TENT4B: variants seen among roughly 807,000 people sequenced by gnomAD.
TENT4B encodes PAP associated domain containing 5.
In TENT4B, 10 loss-of-function variants were observed where a neutral mutation model predicts 75.0. The observed-to-expected ratio is 0.13, with a 90% CI of 0.08 to 0.23. The LOEUF is 0.23. TENT4B is among the 10% of genes least tolerant of loss of function. The probability of loss-of-function intolerance (pLI) is 1.00; values close to 1 mark genes in which losing one functional copy is unlikely to be tolerated. For missense variants in TENT4B, 579 were observed against 893.8 expected (o/e 0.65, Z 4.49); for synonymous variants, 350 against 357.7 (o/e 0.98, Z 0.24).
At chr16:50,179,370 A>G (rs571518756) in intron 1 of TENT4B, among the ~76,000 whole-genome samples, 2 of 147,868 alleles carry the variant, frequency 1.4e-5, no homozygotes, top group Admixed American at 1.4e-4. Context: ...TCAAAAGAAA[A>G]TTTTTTTTTT....
chr16:50,212,969 C>G (rs1253213031), intron 2 of TENT4B, among the ~76,000 whole-genome samples: 1 of 152,148 alleles, frequency 6.6e-6, no homozygotes, highest in Non-Finnish European at 1.5e-5. Context: ...AGCCAGGCAG[C>G]CATCATCTGT....
chr16:50,202,884 C>G (rs560077717), intron 1 of TENT4B, among the ~76,000 whole-genome samples: 1 of 152,218 alleles, frequency 6.6e-6, no homozygotes, highest in Admixed American at 6.5e-5. Context: ...AAGAGGAAAT[C>G]AACTGAAAAA....
chr16:50,197,369 A>T (rs879533916), intron 1 of TENT4B, among the ~76,000 whole-genome samples: 2 of 152,120 alleles, frequency 1.3e-5, no homozygotes, highest in Admixed American at 1.3e-4. Context: ...GCTCACTGCA[A>T]CCTCCGCCTT....
chr16:50,217,506 T>C, intron 4 of TENT4B, 50 bp from the exon 5 acceptor site: 3 of 1,005,688 alleles, frequency 3.0e-6, no homozygotes, highest in Non-Finnish European at 4.3e-6. Flanking sequence ...CCTGATTTTA[T>C]CATTTAATCT....
intron 1 of TENT4B, among the ~76,000 whole-genome samples, chr16:50,191,330 A>C (rs555589635): frequency 6.6e-6 from 1 of 152,114 alleles, no homozygotes; most frequent in Non-Finnish European, 1.5e-5. Flanking sequence ...CCCCCCAGCA[A>C]TGTACGAGGG....
chr16:50,231,691 A>G lies in TENT4B; in HGVS notation c.*2363A>G. The G allele has an allele frequency of 1.0e-6, 1 of 985,832 alleles. No homozygotes were observed. Among genetic ancestry groups the G allele is most frequent in the Non-Finnish European group, 1.2e-6 (1 of 829,912 alleles). 61.1% of individuals were successfully genotyped at this position (985,832 alleles called of 1,614,324 possible). A position where few individuals can be genotyped will look rare whatever the true frequency, so the allele number is the denominator to read the frequency against. The stretch of plus-strand genomic sequence containing the variant: ...TAAACAGTATCTTTCTAAAAGAAAA[A>G]AGCATGAAGGAGAAATTGAGGTGTG... On this transcript the variant is annotated 3_prime_UTR_variant, in exon 12 of 12. Transcript: ENST00000561678.
chr16:50,160,748 TTAAAG>T (rs1447071390), intron 1 of TENT4B, among the ~76,000 whole-genome samples: 5 of 152,138 alleles, frequency 3.3e-5, no homozygotes, highest in East Asian at 1.9e-4. Context: ...GCTGAGAAAA[TTAAAG>T]TAATTTTTTT....
At chr16:50,206,827 A>G (rs1477579062) in intron 1 of TENT4B, among the ~76,000 whole-genome samples, 2 of 152,012 alleles carry the variant, frequency 1.3e-5, no homozygotes, top group Non-Finnish European at 2.9e-5. Context: ...CTCCCACCCC[A>G]TGACAAGCAT....
intron 1 of TENT4B, among the ~76,000 whole-genome samples, chr16:50,168,167 G>T (rs1489476128): frequency 6.7e-6 from 1 of 148,228 alleles, no homozygotes; most frequent in East Asian, 1.9e-4. Context: ...AGTATTTACT[G>T]ACAATTTGCA....
At position 50,229,149 on chromosome 16, in the gene TENT4B, C is replaced by T. The variant is rs201170703; in HGVS notation, c.1966-3C>T. 1.4e-5 allele frequency: 23 copies of T among 1,612,908 alleles called. No homozygotes were observed. The Admixed American group carries it at 3.8e-4, about 27-fold the overall frequency. The stretch of plus-strand genomic sequence containing the variant: ...TCTTTGTGGTCGTTTTCTGTTTCTG[C>T]AGCATGGATCAGCAAGGCTCTTTCG... On this transcript the variant is annotated splice_region_variant and splice_polypyrimidine_tract_variant and intron_variant, in intron 11 of 11. Coordinates refer to ENST00000561678, the MANE Select transcript of TENT4B (RefSeq NM_001365324.3).
At chr16:50,195,227 C>A (rs2030150267) in intron 1 of TENT4B, among the ~76,000 whole-genome samples, 1 of 152,126 alleles carries the variant, frequency 6.6e-6, no homozygotes, top group Non-Finnish European at 1.5e-5. Flanking sequence ...GTAAGAGCTT[C>A]TTTGAAAAAT....
In TENT4B at chr16:50,232,768, T is replaced by C. The variant is rs2032333837; in HGVS notation, c.*3440T>C. ...TTAGTGGTAGATGTTGCTGATACTT[T>C]TATTGGTCATGACTACATCTCAGTT... On this transcript the variant is annotated 3_prime_UTR_variant, in exon 12 of 12. Transcript: ENST00000561678. 6 of 985,326 alleles carry C rather than the reference T, an allele frequency of 6.1e-6. No homozygotes were observed. Among genetic ancestry groups the C allele is most frequent in the East Asian group, 1.1e-4 (1 of 8,820 alleles). 61.0% of individuals were successfully genotyped at this position (985,326 alleles called of 1,614,324 possible).
At chr16:50,176,110 A>G (rs1414074599) in intron 1 of TENT4B, among the ~76,000 whole-genome samples, 1 of 146,302 alleles carries the variant, frequency 6.8e-6, no homozygotes, top group Non-Finnish European at 1.5e-5. Context: ...TTTTTTTGAG[A>G]CAGTCTTACT....
chr16:50,230,014 T>C lies in TENT4B; in HGVS notation c.*686T>C. On this transcript the variant is annotated 3_prime_UTR_variant, in exon 12 of 12. Coordinates refer to ENST00000561678, the MANE Select transcript of TENT4B (RefSeq NM_001365324.3). Reference sequence around the variant, plus strand: ...GATTAGTTCTATTACTCAATTTGTTTTTCTCAGCATTGAAATGACTTAATA... The same window carrying C: ...GATTAGTTCTATTACTCAATTTGTTCTTCTCAGCATTGAAATGACTTAATA... 1.0e-6 allele frequency: 1 copy of C among 984,162 alleles called. No homozygotes were observed. The highest frequency in any genetic ancestry group is 1.2e-6 in the Non-Finnish European group (1 of 828,562). 61.0% of individuals were successfully genotyped at this position (984,162 alleles called of 1,614,324 possible). A position where few individuals can be genotyped will look rare whatever the true frequency, so the allele number is the denominator to read the frequency against.
intron 1 of TENT4B, among the ~76,000 whole-genome samples, chr16:50,187,939 A>ATT (rs2038565322): frequency 6.6e-6 from 1 of 151,970 alleles, no homozygotes; most frequent in South Asian, 2.1e-4. Flanking sequence ...TTCTTTCTTT[A>ATT]TTTTTTAAAA....
At chr16:50,208,796 G>A (rs1283062935) in intron 1 of TENT4B, among the ~76,000 whole-genome samples, 2 of 151,868 alleles carry the variant, frequency 1.3e-5, no homozygotes, top group African/African-American at 2.4e-5. Flanking sequence ...GCAGTGGCAC[G>A]GTGTCAGCTC....
At chr16:50,168,748 C>T (rs1041695983) in intron 1 of TENT4B, among the ~76,000 whole-genome samples, 3 of 151,618 alleles carry the variant, frequency 2.0e-5, no homozygotes, top group Admixed American at 6.6e-5. Context: ...TAGGTTCAAG[C>T]GATTCTCCTG....
At chr16:50,177,338 C>T (rs988943014) in intron 1 of TENT4B, among the ~76,000 whole-genome samples, 9 of 152,108 alleles carry the variant, frequency 5.9e-5, no homozygotes, top group African/African-American at 1.7e-4. Context: ...TGGTAGAATT[C>T]ACCAGTGAAC....
intron 1 of TENT4B, among the ~76,000 whole-genome samples, chr16:50,167,751 C>G (rs773339591): frequency 4.6e-5 from 7 of 151,236 alleles, no homozygotes; most frequent in Admixed American, 1.3e-4. Context: ...TCTGCCTCCT[C>G]GGTTCAAGCA....
Sources: gnomAD v4.1 joint callset for allele counts (sites outside exome capture counted in the v4.1 genomes callset) on GRCh38, gnomAD v4.1.1 for gene constraint, MANE v1.5 for transcripts, NCBI Gene and HGNC (gene_info 2026-07-23, HGNC 2026-07-21) for gene names.